RNGTT: variants seen among roughly 807,000 people sequenced by gnomAD.
The protein encoded by RNGTT is mRNA-capping enzyme.
In RNGTT, 33 loss-of-function variants were observed where a neutral mutation model predicts 79.3. That is an observed-to-expected ratio of 0.42 (90% CI 0.32 to 0.56). The LOEUF (loss-of-function observed/expected upper bound fraction) is 0.56. RNGTT is among the 20% of genes least tolerant of loss of function. The pLI is 0.17. For synonymous variants in RNGTT, 222 were observed against 235.9 expected, an observed-to-expected ratio of 0.94 and a Z score of 0.54; for missense variants, 497 against 739.1, an observed-to-expected ratio of 0.67 and a Z score of 3.80.
intron 13 of RNGTT, among the ~76,000 whole-genome samples, chr6:88,705,033 G>A (rs1482603844): frequency 6.6e-6 from 1 of 151,806 alleles, no homozygotes; most frequent in East Asian, 1.9e-4. Context: ...ATGTAGTAAA[G>A]TAGTCTTCTC....
chr6:88,937,524 T>A (rs1365568983), intron 2 of RNGTT, among the ~76,000 whole-genome samples: 9 of 151,188 alleles, frequency 6.0e-5, no homozygotes. Context: ...GTTGATTCTT[T>A]GTATTTTTTT....
At position 88,946,042 on chromosome 6, in the gene RNGTT, T is replaced by C. The variant is rs150624948; in HGVS notation, c.65-4862A>G. On this transcript the variant is annotated intron_variant, in intron 1 of 15. Coordinates refer to ENST00000369485, the MANE Select transcript of RNGTT (RefSeq NM_003800.5). ...GGCAGTTGTTTATGAGAGAAACTAG[T>C]ATTACAGGCATACTTTGCTTTACTG... Among the ~76,000 whole-genome samples, 193 of 152,372 alleles carry C rather than the reference T, an allele frequency of 1.3e-3. 1 individual carries two copies. The highest frequency in any genetic ancestry group is 4.3e-3 in the African/African-American group (180 of 41,588).
chr6:88,900,767 A>C (rs1329267911), intron 6 of RNGTT, among the ~76,000 whole-genome samples: 1 of 151,432 alleles, frequency 6.6e-6, no homozygotes, highest in Non-Finnish European at 1.5e-5. Context: ...AAAAAAAAAA[A>C]CAAGAAAATA....
At chr6:88,922,835 C>T (rs749661240) in intron 4 of RNGTT, among the ~76,000 whole-genome samples, 5 of 152,152 alleles carry the variant, frequency 3.3e-5, no homozygotes, top group Admixed American at 1.3e-4. Flanking sequence ...TCCAACAATA[C>T]CTACAAACTG....
intron 4 of RNGTT, among the ~76,000 whole-genome samples, chr6:88,926,711 G>A (rs1028744580): frequency 6.6e-6 from 1 of 152,196 alleles, no homozygotes; most frequent in African/African-American, 2.4e-5. Flanking sequence ...CTGGCTGTGT[G>A]AGTGACCCTT....
chr6:88,900,766 A>C (rs1232563585), intron 6 of RNGTT, among the ~76,000 whole-genome samples: 1 of 151,642 alleles, frequency 6.6e-6, no homozygotes, highest in East Asian at 1.9e-4. Context: ...AAAAAAAAAA[A>C]ACAAGAAAAT....
At chr6:88,651,017 A>G (rs866534199) in intron 14 of RNGTT, among the ~76,000 whole-genome samples, 3 of 152,182 alleles carry the variant, frequency 2.0e-5, no homozygotes, top group African/African-American at 4.8e-5. Context: ...GCTATTAACA[A>G]CTAAGGAAGA....
intron 14 of RNGTT, among the ~76,000 whole-genome samples, chr6:88,639,212 T>C (rs769297809): frequency 6.6e-6 from 1 of 152,126 alleles, no homozygotes; most frequent in African/African-American, 2.4e-5. Context: ...GACACTATTA[T>C]AATAAAGGCC....
At chr6:88,757,213 A>C (rs1778048979) in intron 13 of RNGTT, among the ~76,000 whole-genome samples, 1 of 152,188 alleles carries the variant, frequency 6.6e-6, no homozygotes, top group South Asian at 2.1e-4. Context: ...TACCACAGTG[A>C]AACAAAAAGG....
intron 1 of RNGTT, among the ~76,000 whole-genome samples, chr6:88,954,076 A>T (rs987640413): frequency 3.9e-5 from 6 of 152,088 alleles, no homozygotes; most frequent in Non-Finnish European, 5.9e-5. Flanking sequence ...GAATTTTTTT[A>T]AAAAAAGGTA....
intron 12 of RNGTT, among the ~76,000 whole-genome samples, chr6:88,783,520 AATAC>A (rs1236923937): frequency 4.6e-5 from 7 of 152,204 alleles, no homozygotes; most frequent in African/African-American, 1.7e-4. Context: ...GTATGCCCTA[AATAC>A]ATACAATTTC....
At position 88,867,944 on chromosome 6, in the gene RNGTT, T is replaced by C. The variant is rs1294572545; in HGVS notation, c.897-14180A>G. Among the ~76,000 whole-genome samples, 6 of 152,184 alleles carry C rather than the reference T, an allele frequency of 3.9e-5. No homozygotes were observed. In the South Asian group the frequency reaches 8.3e-4, roughly 21 times the overall value. ...AAGGATGACTGGGAGAGAATTACTA[T>C]AGGGTTTTCCTGTGCCTCCGGCTGG... On this transcript the variant is annotated intron_variant, in intron 8 of 15. Transcript: ENST00000369485.
intron 11 of RNGTT, among the ~76,000 whole-genome samples, chr6:88,818,665 C>T (rs1780403532): frequency 6.6e-6 from 1 of 152,122 alleles, no homozygotes; most frequent in Non-Finnish European, 1.5e-5. Context: ...TAAAATAAGG[C>T]TATGAAATTA....
At chr6:88,861,592 C>T (rs1011371703) in intron 8 of RNGTT, among the ~76,000 whole-genome samples, 3 of 151,984 alleles carry the variant, frequency 2.0e-5, no homozygotes, top group South Asian at 2.1e-4. Flanking sequence ...AAAGAAAAAA[C>T]GTATTTCTCC....
At chr6:88,748,509 T>A (rs778392644) in intron 13 of RNGTT, among the ~76,000 whole-genome samples, 26 of 152,088 alleles carry the variant, frequency 1.7e-4, no homozygotes, top group Non-Finnish European at 3.7e-4. Flanking sequence ...TTGTCACTCC[T>A]CCCCTTCAAA....
intron 13 of RNGTT, among the ~76,000 whole-genome samples, chr6:88,726,072 A>C (rs1776892793): frequency 6.6e-6 from 1 of 152,172 alleles, no homozygotes; most frequent in African/African-American, 2.4e-5. Flanking sequence ...TAAAGAGAAA[A>C]GAGTGTATCC....
chr6:88,623,759 C>A (rs141861477), intron 14 of RNGTT, among the ~76,000 whole-genome samples: 12 of 152,090 alleles, frequency 7.9e-5, no homozygotes, highest in African/African-American at 2.4e-4. Context: ...AAAAGACCTA[C>A]CGGTTGAAAA....
At chr6:88,813,197 C>G (rs980159612) in intron 11 of RNGTT, among the ~76,000 whole-genome samples, 1 of 152,178 alleles carries the variant, frequency 6.6e-6, no homozygotes, top group African/African-American at 2.4e-5. Context: ...ACCGATATGG[C>G]CTACTGGCGT....
At chr6:88,909,326 G>A (rs1783759359) in intron 4 of RNGTT, among the ~76,000 whole-genome samples, 1 of 151,958 alleles carries the variant, frequency 6.6e-6, no homozygotes, top group African/African-American at 2.4e-5. Context: ...CACAGCCATC[G>A]GCTGGGCTGC....
Sources: gnomAD v4.1 joint callset for allele counts (sites outside exome capture counted in the v4.1 genomes callset) on GRCh38, gnomAD v4.1.1 for gene constraint, MANE v1.5 for transcripts, NCBI Gene and HGNC (gene_info 2026-07-23, HGNC 2026-07-21) for gene names.